HS6ST3: variants seen among roughly 807,000 people sequenced by gnomAD.
The protein encoded by HS6ST3 is heparan sulfate 6-O-sulfotransferase 3, also known as heparan-sulfate 6-O-sulfotransferase 3.
HS6ST3 carries 12 observed loss-of-function variants against 36.7 expected under a neutral mutation model. The ratio of observed to expected loss-of-function variants is 0.33; its 90% CI spans 0.21 to 0.53. The LOEUF (loss-of-function observed/expected upper bound fraction) is 0.53, where lower values mean the gene tolerates loss of function less well. Among genes scored for constraint, HS6ST3 ranks in the 20% least tolerant of loss-of-function variants. The pLI, the probability that HS6ST3 is intolerant of heterozygous loss-of-function variation, is 0.95. For missense variants in HS6ST3, 584 were observed against 640.9 expected (o/e 0.91, Z 0.96); for synonymous variants, 240 against 257.5 (o/e 0.93, Z 0.65).
chr13:96,296,313 A>G (rs1169054646), intron 1 of HS6ST3, among the ~76,000 whole-genome samples: 1 of 152,212 alleles, frequency 6.6e-6, no homozygotes, highest in Non-Finnish European at 1.5e-5. Context: ...AATTTACAGT[A>G]TTAATATCAA....
chr13:96,199,502 A>G (rs1377539450), intron 1 of HS6ST3, among the ~76,000 whole-genome samples: 1 of 152,208 alleles, frequency 6.6e-6, no homozygotes, highest in Non-Finnish European at 1.5e-5. Context: ...GCAGGCTATT[A>G]TGTAGCCAAG....
intron 1 of HS6ST3, among the ~76,000 whole-genome samples, chr13:96,492,653 T>C (rs1566376690): frequency 6.6e-6 from 1 of 152,196 alleles, no homozygotes; most frequent in Non-Finnish European, 1.5e-5. Context: ...CCCTAATACA[T>C]ATTTGAGGGT....
chr13:96,299,493 A>C (rs141948594), intron 1 of HS6ST3, among the ~76,000 whole-genome samples: 2,470 of 152,294 alleles, frequency 0.016, 49 homozygotes, highest in South Asian at 0.05. Context: ...AACGGCCACC[A>C]GATGGAATTG....
intron 1 of HS6ST3, among the ~76,000 whole-genome samples, chr13:96,698,661 C>T (rs1875198952): frequency 6.6e-6 from 1 of 152,050 alleles, no homozygotes; most frequent in Admixed American, 6.6e-5. Flanking sequence ...GAATCAATAT[C>T]GTGAAAATGG....
intron 1 of HS6ST3, among the ~76,000 whole-genome samples, chr13:96,226,158 T>G (rs1027072940): frequency 1.3e-5 from 2 of 152,154 alleles, no homozygotes; most frequent in African/African-American, 4.8e-5. Context: ...TTAGAACACT[T>G]AAAAACAACC....
chr13:96,678,534 A>T (rs1241394768), intron 1 of HS6ST3, among the ~76,000 whole-genome samples: 1 of 151,776 alleles, frequency 6.6e-6, no homozygotes, highest in Non-Finnish European at 1.5e-5. Context: ...AATTAGCCAG[A>T]TATGGTGGCG....
chr13:96,326,758 T>A (rs888092299), intron 1 of HS6ST3, among the ~76,000 whole-genome samples: 5 of 151,980 alleles, frequency 3.3e-5, no homozygotes, highest in Admixed American at 2.0e-4. Context: ...CACCACACTG[T>A]CTTCCACAAT....
At chr13:96,420,326 T>C (rs1302255675) in intron 1 of HS6ST3, among the ~76,000 whole-genome samples, 1 of 152,200 alleles carries the variant, frequency 6.6e-6, no homozygotes, top group Non-Finnish European at 1.5e-5. Flanking sequence ...GTGTTATGCC[T>C]GCTTTTCTGG....
At chr13:96,456,922 GC>G (rs1302238350) in intron 1 of HS6ST3, among the ~76,000 whole-genome samples, 2 of 152,004 alleles carry the variant, frequency 1.3e-5, no homozygotes, top group Non-Finnish European at 2.9e-5. Flanking sequence ...TATTTAAAAT[GC>G]ATATTTATAA....
At chr13:96,451,840 C>CT (rs1419275912) in intron 1 of HS6ST3, among the ~76,000 whole-genome samples, 2 of 152,022 alleles carry the variant, frequency 1.3e-5, no homozygotes, top group African/African-American at 4.8e-5. Flanking sequence ...GAGGTTTTTC[C>CT]TTTTTTTAAG....
At chr13:96,577,357 T>A (rs1007176982) in intron 1 of HS6ST3, among the ~76,000 whole-genome samples, 3 of 152,226 alleles carry the variant, frequency 2.0e-5, no homozygotes, top group East Asian at 3.8e-4. Context: ...ATCCTTTATA[T>A]GGCTGCATAG....
intron 1 of HS6ST3, among the ~76,000 whole-genome samples, chr13:96,290,465 G>T (rs2054824227): frequency 6.6e-6 from 1 of 152,174 alleles, no homozygotes; most frequent in African/African-American, 2.4e-5. Context: ...CACCTCGGTA[G>T]ATTTAATATT....
intron 1 of HS6ST3, among the ~76,000 whole-genome samples, chr13:96,334,659 A>G (rs1185883300): frequency 6.6e-6 from 1 of 152,108 alleles, no homozygotes; most frequent in Admixed American, 6.5e-5. Flanking sequence ...GCCAAGAAGG[A>G]GGGTTTTCCC....
intron 1 of HS6ST3, among the ~76,000 whole-genome samples, chr13:96,545,775 G>C (rs1186949653): frequency 1.3e-5 from 2 of 152,134 alleles, no homozygotes; most frequent in Non-Finnish European, 2.9e-5. Flanking sequence ...GAGGTTCCAA[G>C]TAGGAAAATC....
intron 1 of HS6ST3, among the ~76,000 whole-genome samples, chr13:96,165,195 A>C (rs910614497): frequency 6.6e-6 from 1 of 152,158 alleles, no homozygotes; most frequent in African/African-American, 2.4e-5. Flanking sequence ...TGAGCAGAGC[A>C]TTTTGAAGAA....
intron 1 of HS6ST3, among the ~76,000 whole-genome samples, chr13:96,460,035 G>T (rs1274693082): frequency 6.6e-6 from 1 of 152,128 alleles, no homozygotes; most frequent in Non-Finnish European, 1.5e-5. Flanking sequence ...AGCTAAATTT[G>T]CTATATTGCA....
At chr13:96,669,225 G>A (rs1392983636) in intron 1 of HS6ST3, among the ~76,000 whole-genome samples, 1 of 152,174 alleles carries the variant, frequency 6.6e-6, no homozygotes, top group Non-Finnish European at 1.5e-5. Context: ...TCTAGGCCAA[G>A]AAAGGTCCAG....
chr13:96,545,715 A>G (rs1002821080), intron 1 of HS6ST3, among the ~76,000 whole-genome samples: 2 of 152,216 alleles, frequency 1.3e-5, no homozygotes, highest in African/African-American at 4.8e-5. Flanking sequence ...CATTGTAAAG[A>G]TATATCAGTT....
chr13:96,378,330 G>A (rs1352220959), intron 1 of HS6ST3, among the ~76,000 whole-genome samples: 1 of 152,150 alleles, frequency 6.6e-6, no homozygotes, highest in Non-Finnish European at 1.5e-5. Context: ...AGGCCTTACT[G>A]CAGTAGTTTC....
Sources: allele counts gnomAD v4.1 joint callset (sites outside exome capture counted in the v4.1 genomes callset), GRCh38; gene constraint gnomAD v4.1.1; transcripts MANE v1.5; gene names NCBI Gene and HGNC (gene_info 2026-07-23, HGNC 2026-07-21).